STEAP1B: variants seen among roughly 807,000 people sequenced by gnomAD.
The protein encoded by STEAP1B is STEAP family protein MGC87042.
A neutral mutation model predicts 27.9 loss-of-function variants in STEAP1B; 13 were observed. The ratio of observed to expected loss-of-function variants is 0.47; its 90% CI spans 0.30 to 0.74. The LOEUF is 0.74. Among genes scored for constraint, STEAP1B ranks in the 30% least tolerant of loss-of-function variants. The pLI is 0.06. For synonymous variants in STEAP1B, 86 were observed against 107.1 expected (o/e 0.80, Z 1.22); for missense variants, 250 against 298.7 (o/e 0.84, Z 1.20).
intron 4 of STEAP1B, among the ~76,000 whole-genome samples, chr7:22,427,082 G>A (rs1377344001): frequency 1.3e-5 from 2 of 152,210 alleles, no homozygotes; most frequent in Non-Finnish European, 2.9e-5. Context: ...CCAAAGAAGA[G>A]GGAGAAGAGA....
intron 4 of STEAP1B, among the ~76,000 whole-genome samples, chr7:22,469,894 A>C (rs1391413694): frequency 6.6e-6 from 1 of 152,252 alleles, no homozygotes; most frequent in African/African-American, 2.4e-5. Flanking sequence ...GAAAAGCTAG[A>C]ATAAACTCCA....
At chr7:22,438,900 G>A in intron 4 of STEAP1B, 2 of 1,173,934 alleles carry the variant, frequency 1.7e-6, no homozygotes, top group Non-Finnish European at 2.2e-6. Flanking sequence ...TTATTATTTG[G>A]TGACATTTTT....
At chr7:22,486,040 T>C (rs1786202819) in intron 4 of STEAP1B, among the ~76,000 whole-genome samples, 1 of 152,186 alleles carries the variant, frequency 6.6e-6, no homozygotes, top group Admixed American at 6.5e-5. Flanking sequence ...TCAAACTCGG[T>C]TGCACATTAA....
At chr7:22,441,502 A>G (rs1410498114) in intron 4 of STEAP1B, among the ~76,000 whole-genome samples, 1 of 152,246 alleles carries the variant, frequency 6.6e-6, no homozygotes, top group Non-Finnish European at 1.5e-5. Context: ...TCTGTGAGAC[A>G]AAGTCGCAAA....
chr7:22,447,419 A>G (rs1187293692), intron 4 of STEAP1B, among the ~76,000 whole-genome samples: 1 of 152,224 alleles, frequency 6.6e-6, no homozygotes, highest in African/African-American at 2.4e-5. Context: ...ATAAAAGAGT[A>G]GATTCAGTAA....
intron 4 of STEAP1B, among the ~76,000 whole-genome samples, chr7:22,483,131 C>G (rs1263453163): frequency 1.3e-5 from 2 of 151,956 alleles, no homozygotes; most frequent in African/African-American, 4.8e-5. Flanking sequence ...AAGTTTTGGC[C>G]CACGTCACCT....
intron 4 of STEAP1B, among the ~76,000 whole-genome samples, chr7:22,429,417 A>C (rs1453893967): frequency 6.6e-6 from 1 of 152,200 alleles, no homozygotes; most frequent in Non-Finnish European, 1.5e-5. Flanking sequence ...AGAAGAATAC[A>C]TACAGAATGA....
chr7:22,473,070 G>A (rs1216174703), intron 4 of STEAP1B, among the ~76,000 whole-genome samples: 1 of 152,164 alleles, frequency 6.6e-6, no homozygotes, highest in Non-Finnish European at 1.5e-5. Flanking sequence ...GGCAGTGAGA[G>A]TGAAAGCAAA....
intron 4 of STEAP1B, among the ~76,000 whole-genome samples, chr7:22,453,755 T>A (rs537648480): frequency 3.0e-4 from 46 of 152,366 alleles, no homozygotes; most frequent in Non-Finnish European, 4.7e-4. Context: ...TCCATTGACA[T>A]AGAGTTGTTA....
chr7:22,482,401 A>G (rs999278086), intron 4 of STEAP1B, among the ~76,000 whole-genome samples: 3 of 152,202 alleles, frequency 2.0e-5, no homozygotes, highest in Non-Finnish European at 2.9e-5. Context: ...ATATTTATAC[A>G]AAAAATTTTG....
At chr7:22,448,608 T>A (rs1238225351) in intron 4 of STEAP1B, among the ~76,000 whole-genome samples, 1 of 152,142 alleles carries the variant, frequency 6.6e-6, no homozygotes, top group Non-Finnish European at 1.5e-5. Context: ...TATGAAGAAA[T>A]TATTCAGAAC....
intron 4 of STEAP1B, among the ~76,000 whole-genome samples, chr7:22,448,045 C>T (rs1315372110): frequency 6.6e-6 from 1 of 152,216 alleles, no homozygotes; most frequent in African/African-American, 2.4e-5. Flanking sequence ...CTTTCAGTTG[C>T]TGGTTTGCTT....
chr7:22,469,309 T>C (rs1011829964), intron 4 of STEAP1B, among the ~76,000 whole-genome samples: 2 of 152,246 alleles, frequency 1.3e-5, no homozygotes. Context: ...CAGCATGTTT[T>C]AAGCTAAGTG....
chr7:22,439,600 A>C lies in STEAP1B; in HGVS notation c.763-19764T>G, dbSNP rs187821246. Among the ~76,000 whole-genome samples the C allele has an allele frequency of 7.9e-5, 12 of 152,322 alleles. No homozygotes were observed. In the East Asian group the frequency reaches 2.1e-3, roughly 27 times the overall value. On this transcript the variant is annotated intron_variant, in intron 4 of 4. Coordinates refer to ENST00000678116, the MANE Select transcript of STEAP1B (RefSeq NM_001382447.1). ...ATGTTTTTATAGTAGTAATAGGAAT[A>C]CAAAATTTTGGGGGAGCACAGGTTC...
intron 4 of STEAP1B, among the ~76,000 whole-genome samples, chr7:22,427,747 G>A (rs116881424): frequency 6.6e-6 from 1 of 152,172 alleles, no homozygotes; most frequent in African/African-American, 2.4e-5. Flanking sequence ...AGTAATAAAT[G>A]TACCTTTGAG....
chr7:22,463,139 C>T (rs1785709806), intron 4 of STEAP1B, among the ~76,000 whole-genome samples: 1 of 151,996 alleles, frequency 6.6e-6, no homozygotes, highest in African/African-American at 2.4e-5. Context: ...ACAAAAATCA[C>T]AAGCATTCTT....
chr7:22,439,979 C>T (rs1192201440), intron 4 of STEAP1B, among the ~76,000 whole-genome samples: 1 of 151,952 alleles, frequency 6.6e-6, no homozygotes, highest in Non-Finnish European at 1.5e-5. Context: ...AACATTTGAG[C>T]CTTTAAATAA....
chr7:22,439,489 C>T (rs536897415), intron 4 of STEAP1B, among the ~76,000 whole-genome samples: 41 of 151,806 alleles, frequency 2.7e-4, no homozygotes, highest in Non-Finnish European at 5.3e-4. Flanking sequence ...AGCTTATTCT[C>T]AGGTAAAACG....
intron 4 of STEAP1B, among the ~76,000 whole-genome samples, chr7:22,486,544 C>T (rs1054798774): frequency 1.3e-5 from 2 of 151,992 alleles, no homozygotes; most frequent in African/African-American, 4.8e-5. Context: ...AGGCCTCACC[C>T]ACTCACTTTT....
Sources: gnomAD v4.1 joint callset for allele counts (sites outside exome capture counted in the v4.1 genomes callset) on GRCh38, gnomAD v4.1.1 for gene constraint, MANE v1.5 for transcripts, NCBI Gene and HGNC (gene_info 2026-07-23, HGNC 2026-07-21) for gene names.